TBC1D8: variants seen among roughly 807,000 people sequenced by gnomAD.
TBC1D8 encodes BUB2-like protein 1.
TBC1D8 carries 65 observed loss-of-function variants against 118.8 expected under a neutral mutation model. That is an observed-to-expected ratio of 0.55 (90% CI 0.45 to 0.67). TBC1D8 has a LOEUF of 0.67. Among genes scored for constraint, TBC1D8 ranks in the 30% least tolerant of loss-of-function variants. TBC1D8 has a pLI of 0.00. For missense variants in TBC1D8, 1,376 were observed against 1,471.2 expected (o/e 0.94, Z 1.06); for synonymous variants, 566 against 595.8 (o/e 0.95, Z 0.73).
chr2:101,025,924 G>A (rs1030298240), intron 15 of TBC1D8, among the ~76,000 whole-genome samples: 24 of 152,200 alleles, frequency 1.6e-4, no homozygotes, highest in African/African-American at 5.8e-4. Context: ...CTGAATTTAT[G>A]TGATTTAAAG....
chr2:101,054,192 A>G lies in TBC1D8; in HGVS notation c.547T>C (p.Trp183Arg). The change falls in exon 4 of 20, where the codon TGG becomes CGG. Residue 183 changes from tryptophan (W) to arginine (R), a missense_variant. By Grantham distance (101) the Trp-to-Arg change is moderately radical (BLOSUM62 -3). Transcript: ENST00000409318. ...KLVTYYSCCC[W>R]KGRVPRQGWL... ...CCCTGGCGGGGCACCCTGCCCTTCCAACAGCAGCAGGAGTAGTAGGTGACC... is the reference window on the plus strand; with the variant it reads ...CCCTGGCGGGGCACCCTGCCCTTCCGACAGCAGCAGGAGTAGTAGGTGACC... 6.2e-7 allele frequency: 1 copy of G among 1,613,330 alleles called. No individual in the cohort carries two copies. Among genetic ancestry groups the G allele is most frequent in the Non-Finnish European group, 8.5e-7 (1 of 1,179,654 alleles).
At chr2:101,061,675 C>T (rs1682760783) in intron 2 of TBC1D8, among the ~76,000 whole-genome samples, 3 of 152,078 alleles carry the variant, frequency 2.0e-5, no homozygotes, top group Non-Finnish European at 2.9e-5. Context: ...TCGGTCCCAC[C>T]TCCCGTGTCA....
At chr2:101,068,931 C>T (rs1046062379) in intron 2 of TBC1D8, among the ~76,000 whole-genome samples, 8 of 149,144 alleles carry the variant, frequency 5.4e-5, no homozygotes, top group Non-Finnish European at 1.0e-4. Flanking sequence ...ACCTGGGAGG[C>T]GGAGGCTGCA....
At position 101,028,298 on chromosome 2, in the gene TBC1D8, G is replaced by C. The variant is rs766257689; in HGVS notation, c.2352+5C>G. 1 of 1,610,086 alleles carries C rather than the reference G, an allele frequency of 6.2e-7. No homozygotes were observed. The highest frequency in any genetic ancestry group is 8.5e-7 in the Non-Finnish European group (1 of 1,178,112). On this transcript the variant is annotated splice_donor_5th_base_variant and intron_variant, in intron 13 of 19. Transcript: ENST00000409318. ...AACGGGGCATGGGGCGGGGGTTCCCGTTACCTCATAGGAATCCCGGATCAG... is the reference window on the plus strand; with the variant it reads ...AACGGGGCATGGGGCGGGGGTTCCCCTTACCTCATAGGAATCCCGGATCAG...
intron 2 of TBC1D8, among the ~76,000 whole-genome samples, chr2:101,080,695 C>T (rs1019497536): frequency 6.6e-6 from 1 of 152,094 alleles, no homozygotes; most frequent in African/African-American, 2.4e-5. Context: ...AAGCATCACA[C>T]TTCCCAATAT....
At chr2:101,042,047 A>G (rs887564722) in intron 5 of TBC1D8, among the ~76,000 whole-genome samples, 1 of 152,184 alleles carries the variant, frequency 6.6e-6, no homozygotes, top group East Asian at 1.9e-4. Context: ...GTTGAGATGC[A>G]TATCTGACAC....
chr2:101,130,106 G>A (rs1049719253), intron 1 of TBC1D8, among the ~76,000 whole-genome samples: 1 of 152,078 alleles, frequency 6.6e-6, no homozygotes, highest in Non-Finnish European at 1.5e-5. Context: ...ACCAGGAGTC[G>A]CAACAATGAG....
rs572148414 is a variant in TBC1D8, at chr2:101,013,057, A to C, written c.2828-1517T>G. Among the ~76,000 whole-genome samples the C allele has an allele frequency of 1.2e-4, 18 of 152,322 alleles. No homozygotes were observed. In the East Asian group the frequency reaches 3.3e-3, roughly 28 times the overall value. ...ACCACAAAGTAGAAATGTGTATACA[A>C]GTCACCAACAAAATGTGATGGGAGC... On this transcript the variant is annotated intron_variant, in intron 17 of 19. Transcript: ENST00000409318.
At chr2:101,020,255 AAT>A (rs1171908276) in intron 17 of TBC1D8, among the ~76,000 whole-genome samples, 1 of 152,198 alleles carries the variant, frequency 6.6e-6, no homozygotes, top group Non-Finnish European at 1.5e-5. Context: ...AAGATAAAAT[AAT>A]AGAGTAAAAT....
chr2:101,017,403 T>C (rs1679735346), intron 17 of TBC1D8, among the ~76,000 whole-genome samples: 1 of 152,246 alleles, frequency 6.6e-6, no homozygotes, highest in South Asian at 2.1e-4. Context: ...TATACTTTTA[T>C]ACAACGGCAA....
rs112192548 is a variant in TBC1D8, at chr2:101,129,179, G to A, written c.127+21948C>T. 3.0e-4 allele frequency among the ~76,000 whole-genome samples: 46 copies of A among 151,860 alleles called. 1 individual carries two copies. The highest frequency in any genetic ancestry group is 1.8e-3 in the Admixed American group (28 of 15,238). Reference sequence around the variant, plus strand: ...AATTGAGATAGAGTCTTGTTCTGTCGCCCAGGTTGGAGTACAGTGGCACGA... The same window carrying A: ...AATTGAGATAGAGTCTTGTTCTGTCACCCAGGTTGGAGTACAGTGGCACGA... On this transcript the variant is annotated intron_variant, in intron 1 of 19. Coordinates refer to ENST00000409318, the MANE Select transcript of TBC1D8 (RefSeq NM_001330348.2).
At position 101,007,844 on chromosome 2, in the gene TBC1D8, C is replaced by T; in HGVS notation, c.3445G>A (p.Glu1149Lys). The change falls in exon 20 of 20, where the codon GAA (glutamate) becomes AAA (lysine). Residue 1149 changes from glutamate (E) to lysine (K), a missense_variant. Coordinates refer to ENST00000409318, the MANE Select transcript of TBC1D8 (RefSeq NM_001330348.2). ...TGCTACAAGTTACTCAGCTTAAGTT[C>T]AGATTGTGATTGGTGGCTCATTTCA... is the stretch of plus-strand genomic sequence containing the variant. ...TFEMSHQSQS[E>K]LKLSNL is the part of the protein sequence containing the mutation. 1 of 1,613,510 alleles carries T rather than the reference C, an allele frequency of 6.2e-7. No individual in the cohort carries two copies. Among genetic ancestry groups the T allele is most frequent in the Non-Finnish European group, 8.5e-7 (1 of 1,179,844 alleles).
intron 17 of TBC1D8, among the ~76,000 whole-genome samples, chr2:101,015,173 G>A (rs930989819): frequency 1.3e-5 from 2 of 152,088 alleles, no homozygotes; most frequent in African/African-American, 4.8e-5. Context: ...TAGGCAGCTG[G>A]AACACAATGG....
intron 2 of TBC1D8, among the ~76,000 whole-genome samples, chr2:101,079,908 G>C (rs560438135): frequency 6.6e-6 from 1 of 151,710 alleles, no homozygotes; most frequent in Non-Finnish European, 1.5e-5. Context: ...GGACGGTCTC[G>C]ATCTCCTGAC....
chr2:101,015,077 T>A (rs991877847), intron 17 of TBC1D8, among the ~76,000 whole-genome samples: 10 of 152,230 alleles, frequency 6.6e-5, no homozygotes, highest in Non-Finnish European at 1.5e-5. Context: ...CGAACCTAGA[T>A]GCTGTAGCCT....
In TBC1D8 at chr2:101,038,627, G is replaced by A. The variant is rs1412052980; in HGVS notation, c.1109C>T (p.Thr370Met). The part of the protein sequence containing the change: ...EVVSIEKMED[T>M]SLLPHPIIVS... The stretch of plus-strand genomic sequence containing the variant: ...AATGATGGGATGCGGCAGCAGGCTC[G>A]TGTCCTCCATCTTCTCGATGCTCAC... The change falls in exon 7 of 20, where the codon ACG becomes ATG. Residue 370 changes from threonine (T) to methionine (M), a missense_variant. Coordinates refer to ENST00000409318, the MANE Select transcript of TBC1D8 (RefSeq NM_001330348.2). 7 of 1,613,816 alleles carry A rather than the reference G, an allele frequency of 4.3e-6. No individual in the cohort carries two copies. The highest frequency in any genetic ancestry group is 1.1e-5 in the South Asian group (1 of 91,092).
chr2:101,144,031 A>G (rs1396241388), intron 1 of TBC1D8, among the ~76,000 whole-genome samples: 1 of 152,262 alleles, frequency 6.6e-6, no homozygotes, highest in Non-Finnish European at 1.5e-5. Context: ...TCAACTGCAC[A>G]GGCTCACATC....
Position 101,021,743 on chromosome 2 carries a change from A to T in TBC1D8, c.2765T>A (p.Ile922Asn). 1 of 1,564,496 alleles carries T rather than the reference A, an allele frequency of 6.4e-7. No individual in the cohort carries two copies. The highest frequency in any genetic ancestry group is 8.7e-7 in the Non-Finnish European group (1 of 1,146,510). The change falls in exon 17 of 20, where the codon ATT becomes AAT. Residue 922 changes from isoleucine to asparagine, a missense_variant. Ile to Asn is a moderately radical substitution (Grantham distance 149, BLOSUM62 -3). Transcript: ENST00000409318. ...EFKAFVSCLD[I>N]MYNGEMNEKI... ...CTCATTCATTTCTCCATTATACATAATATCTGCAAAAAGTTTAAAAAGAGT... is the reference window on the plus strand; with the variant it reads ...CTCATTCATTTCTCCATTATACATATTATCTGCAAAAAGTTTAAAAAGAGT...
chr2:101,102,545 AAACAAC>A (rs1676917600), intron 1 of TBC1D8, among the ~76,000 whole-genome samples: 1 of 152,082 alleles, frequency 6.6e-6, no homozygotes, highest in Non-Finnish European at 1.5e-5. Flanking sequence ...ACCAAAAAAA[AAACAAC>A]AAAAAACATG....
Sources: allele counts gnomAD v4.1 joint callset (sites outside exome capture counted in the v4.1 genomes callset), GRCh38; gene constraint gnomAD v4.1.1; transcripts MANE v1.5; gene names NCBI Gene and HGNC (gene_info 2026-07-23, HGNC 2026-07-21).